NAALADL2: variants seen among roughly 807,000 people sequenced by gnomAD.
NAALADL2 encodes the protein inactive N-acetylated-alpha-linked acidic dipeptidase-like protein 2.
NAALADL2 carries 76 observed loss-of-function variants against 87.2 expected under a neutral mutation model. That is an observed-to-expected ratio of 0.87 (90% CI 0.72 to 1.05). The LOEUF (loss-of-function observed/expected upper bound fraction) is 1.05. Ranked by LOEUF, NAALADL2 falls within the 50% of genes least tolerant of loss-of-function variation. NAALADL2 has a pLI of 0.00. For synonymous variants in NAALADL2, 354 were observed against 331.0 expected (o/e 1.07, Z -0.75); for missense variants, 1,089 against 945.8 (o/e 1.15, Z -1.99).
chr3:175,333,561 C>T (rs1456634248), intron 5 of NAALADL2, among the ~76,000 whole-genome samples: 1 of 152,058 alleles, frequency 6.6e-6, no homozygotes, highest in East Asian at 1.9e-4. Context: ...GTGAAATAAA[C>T]AAGGCATAGA....
intron 1 of NAALADL2, among the ~76,000 whole-genome samples, chr3:175,085,337 CTT>C (rs1718670354): frequency 6.6e-6 from 1 of 152,186 alleles, no homozygotes; most frequent in Admixed American, 6.5e-5. Context: ...ATACTATACT[CTT>C]TACCGTAGTG....
intron 1 of NAALADL2, among the ~76,000 whole-genome samples, chr3:174,547,618 T>C (rs1711550297): frequency 6.6e-6 from 1 of 152,134 alleles, no homozygotes; most frequent in African/African-American, 2.4e-5. Context: ...GTCATTTTCC[T>C]TTCTCAGCAT....
At chr3:175,114,225 T>G (rs565684364) in intron 2 of NAALADL2, among the ~76,000 whole-genome samples, 1 of 151,744 alleles carries the variant, frequency 6.6e-6, no homozygotes, top group African/African-American at 2.4e-5. Flanking sequence ...AAATGCCCTC[T>G]GGAGAAAGAG....
At chr3:175,795,909 C>T (rs1007643068) in intron 13 of NAALADL2, among the ~76,000 whole-genome samples, 3 of 151,748 alleles carry the variant, frequency 2.0e-5, no homozygotes, top group Non-Finnish European at 4.4e-5. Context: ...GTCTTGTTAT[C>T]TGTATTTATG....
intron 5 of NAALADL2, among the ~76,000 whole-genome samples, chr3:175,437,168 T>C (rs112527951): frequency 0.091 from 13,821 of 151,304 alleles, 818 homozygotes; most frequent in East Asian, 0.23. Context: ...TGTAGGTATG[T>C]GGCGTTATTT....
At chr3:175,336,078 C>A (rs1761941346) in intron 5 of NAALADL2, among the ~76,000 whole-genome samples, 1 of 152,058 alleles carries the variant, frequency 6.6e-6, no homozygotes, top group Non-Finnish European at 1.5e-5. Flanking sequence ...TGAATACCCT[C>A]GCTGCTTCCT....
chr3:175,647,156 A>G (rs185737630), intron 11 of NAALADL2, among the ~76,000 whole-genome samples: 56 of 152,274 alleles, frequency 3.7e-4, no homozygotes, highest in African/African-American at 1.3e-3. Flanking sequence ...TCATATGGCC[A>G]TGTCTAACTT....
At chr3:174,625,810 T>C (rs1721514819) in intron 2 of NAALADL2, among the ~76,000 whole-genome samples, 1 of 151,986 alleles carries the variant, frequency 6.6e-6, no homozygotes, top group South Asian at 2.1e-4. Flanking sequence ...GAACTATATA[T>C]ACATTTAATT....
intron 1 of NAALADL2, among the ~76,000 whole-genome samples, chr3:174,524,100 T>C (rs1720512149): frequency 1.3e-5 from 2 of 152,178 alleles, no homozygotes; most frequent in Non-Finnish European, 2.9e-5. Context: ...TGTTTTATGA[T>C]TGTGCATAAT....
At chr3:175,126,779 T>A (rs928823282) in intron 2 of NAALADL2, among the ~76,000 whole-genome samples, 1 of 151,418 alleles carries the variant, frequency 6.6e-6, no homozygotes, top group Non-Finnish European at 1.5e-5. Flanking sequence ...AACAGAAATC[T>A]CAAAGATAGT....
At chr3:174,694,744 T>C (rs1728871608) in intron 2 of NAALADL2, among the ~76,000 whole-genome samples, 1 of 152,092 alleles carries the variant, frequency 6.6e-6, no homozygotes, top group Non-Finnish European at 1.5e-5. Flanking sequence ...TCCATTTTTG[T>C]TAACTAGTAT....
At chr3:175,053,665 G>T (rs868771077) in intron 1 of NAALADL2, among the ~76,000 whole-genome samples, 2 of 152,174 alleles carry the variant, frequency 1.3e-5, no homozygotes, top group South Asian at 2.1e-4. Context: ...AGTGAGAAAA[G>T]GTGTCCACAC....
At chr3:175,555,230 A>C (rs1662591732) in intron 9 of NAALADL2, among the ~76,000 whole-genome samples, 1 of 152,196 alleles carries the variant, frequency 6.6e-6, no homozygotes, top group African/African-American at 2.4e-5. Context: ...GCCCACACTT[A>C]ATTGACAAAG....
chr3:174,441,477 G>T (rs967607991), intron 1 of NAALADL2, among the ~76,000 whole-genome samples: 5 of 152,180 alleles, frequency 3.3e-5, no homozygotes, highest in Admixed American at 3.3e-4. Context: ...CGCAGGTAAA[G>T]AGCGGCGCCG....
chr3:175,267,180 G>T (rs1024107115), intron 4 of NAALADL2, among the ~76,000 whole-genome samples: 5 of 151,880 alleles, frequency 3.3e-5, no homozygotes, highest in African/African-American at 1.2e-4. Context: ...TTCTACAGAA[G>T]GTTATAGGCA....
chr3:175,331,241 A>G (rs945051592), intron 5 of NAALADL2, among the ~76,000 whole-genome samples: 52 of 152,202 alleles, frequency 3.4e-4, no homozygotes, highest in African/African-American at 1.1e-3. Context: ...ATTAACACCA[A>G]TTCTCCTCAA....
At chr3:174,667,545 GTTT>G (rs71162402) in intron 2 of NAALADL2, among the ~76,000 whole-genome samples, 2 of 123,770 alleles carry the variant, frequency 1.6e-5, no homozygotes, top group Non-Finnish European at 1.6e-5. Flanking sequence ...ATGGGAGAGA[GTTT>G]TTTTTTTTTT....
intron 2 of NAALADL2, among the ~76,000 whole-genome samples, chr3:174,591,277 G>A (rs973335984): frequency 1.3e-5 from 2 of 152,174 alleles, no homozygotes; most frequent in Non-Finnish European, 2.9e-5. Flanking sequence ...CCCTAAGGAG[G>A]AGAAGGGCAA....
intron 4 of NAALADL2, among the ~76,000 whole-genome samples, chr3:175,258,556 T>C (rs1031855886): frequency 1.3e-5 from 2 of 152,066 alleles, no homozygotes; most frequent in African/African-American, 4.8e-5. Context: ...CATCAATATT[T>C]TAAAGGAAAT....
Sources: allele counts gnomAD v4.1 joint callset (sites outside exome capture counted in the v4.1 genomes callset), GRCh38; gene constraint gnomAD v4.1.1; transcripts MANE v1.5; gene names NCBI Gene and HGNC (gene_info 2026-07-23, HGNC 2026-07-21).